The following LRRC4B variants were observed in gnomAD, a reference collection of about 807,000 sequenced individuals.
LRRC4B encodes the protein leucine-rich repeat-containing protein 4B.
A neutral mutation model predicts 7.3 loss-of-function variants in LRRC4B; 1 was observed. The ratio of observed to expected loss-of-function variants is 0.14; its 90% confidence interval spans 0.05 to 0.65. LRRC4B has a LOEUF of 0.65. LRRC4B is among the 30% of genes least tolerant of loss of function. The probability of loss-of-function intolerance (pLI) is 0.84; values close to 1 mark genes in which losing one functional copy is unlikely to be tolerated. For missense variants in LRRC4B, 730 were observed against 1,041.6 expected (o/e 0.70, Z 4.12); for synonymous variants, 500 against 499.2 (o/e 1.00, Z -0.02).
At chr19:50,546,903 T>A (rs904966266) in intron 2 of LRRC4B, among the ~76,000 whole-genome samples, 1 of 152,176 alleles carries the variant, frequency 6.6e-6, no homozygotes, top group Admixed American at 6.5e-5. Context: ...TGGCTCCTTT[T>A]CCTCCTCATT....
chr19:50,536,236 C>T (rs925298408), intron 2 of LRRC4B, among the ~76,000 whole-genome samples: 1 of 151,936 alleles, frequency 6.6e-6, no homozygotes, highest in Non-Finnish European at 1.5e-5. Context: ...CAGGTTCAAG[C>T]GATTCTCCTG....
intron 2 of LRRC4B, among the ~76,000 whole-genome samples, chr19:50,531,865 G>A (rs1488081238): frequency 6.6e-6 from 1 of 152,188 alleles, no homozygotes; most frequent in Non-Finnish European, 1.5e-5. Flanking sequence ...ATGAATGTGT[G>A]GGACATGGCG....
chr19:50,558,985 A>AGCTCATTCAGTCCCCGCAAGG (rs1982374723), intron 1 of LRRC4B, among the ~76,000 whole-genome samples: 1 of 152,212 alleles, frequency 6.6e-6, no homozygotes, highest in African/African-American at 2.4e-5. Context: ...TGCCTGCAAG[A>AGCTCATTCAGTCCCCGCAAGG]GCTCATTCAG....
At chr19:50,552,056 G>A (rs1413654693) in intron 1 of LRRC4B, among the ~76,000 whole-genome samples, 8 of 152,136 alleles carry the variant, frequency 5.3e-5, no homozygotes, top group Admixed American at 4.6e-4. Context: ...GGGAAGCGGG[G>A]GAGGAAGGTT....
chr19:50,518,114 AGGG>A lies in LRRC4B; in HGVS notation c.1596_1598del (p.Pro533del), dbSNP rs1980376625. 6.3e-7 allele frequency: 1 copy of A among 1,594,834 alleles called. No individual in the cohort carries two copies. The highest frequency in any genetic ancestry group is 1.8e-5 in the Admixed American group (1 of 55,450). ...CGGGTGCCGTGGTAGAAGACGAGGC[AGGG>A]CCGGCCGCGTCCCCAGGCCGGCCCC... On this transcript the variant is annotated inframe_deletion, in exon 3 of 3. Transcript: ENST00000652263.
intron 2 of LRRC4B, among the ~76,000 whole-genome samples, chr19:50,543,273 C>G (rs1048883872): frequency 1.3e-5 from 2 of 151,900 alleles, no homozygotes; most frequent in African/African-American, 2.4e-5. Flanking sequence ...GCAGGTCACA[C>G]GGGAGGCTCT....
At chr19:50,542,279 C>A (rs1353926558) in intron 2 of LRRC4B, among the ~76,000 whole-genome samples, 1 of 152,022 alleles carries the variant, frequency 6.6e-6, no homozygotes, top group East Asian at 1.9e-4. Context: ...CACCTTCCCC[C>A]CAGGTCCCGA....
rs1237648137 is a variant in LRRC4B, at chr19:50,517,811, G to A, written c.1902C>T (p.Ala634=). 1.3e-6 allele frequency: 2 copies of A among 1,553,558 alleles called. No individual in the cohort carries two copies. Among genetic ancestry groups the A allele is most frequent in the South Asian group, 1.2e-5 (1 of 82,736 alleles). ...LPAASAVSVA[A]AAAVASGGGV... is the part of the protein sequence containing the mutation. ...CACCCCCACTGGCCACGGCGGCCGCGGCGGCCACGGACACGGCCGAGGCGG... is the reference window on the plus strand; with the variant it reads ...CACCCCCACTGGCCACGGCGGCCGCAGCGGCCACGGACACGGCCGAGGCGG... Residue 634 remains alanine (A), a synonymous_variant, in exon 3 of 3, where the codon GCC becomes GCT. Coordinates refer to ENST00000652263, the MANE Select transcript of LRRC4B (RefSeq NM_001080457.2). The surrounding 1 kb of genome is among the most constrained non-coding windows in gnomAD (Gnocchi z 6.6).
intron 2 of LRRC4B, among the ~76,000 whole-genome samples, chr19:50,523,139 C>T (rs937436571): frequency 6.6e-6 from 1 of 152,314 alleles, no homozygotes; most frequent in East Asian, 1.9e-4. Flanking sequence ...GCACGGGAGG[C>T]AGGAGCTCAC....
chr19:50,518,544 G>T lies in LRRC4B; in HGVS notation c.1169C>A (p.Ser390Tyr). 1 of 1,584,846 alleles carries T rather than the reference G, an allele frequency of 6.3e-7. No individual in the cohort carries two copies. The highest frequency in any genetic ancestry group is 1.2e-5 in the South Asian group (1 of 86,098). The change falls in exon 3 of 3, where the codon TCC (serine) becomes TAC (tyrosine). Residue 390 changes from serine to tyrosine, a missense_variant. Physicochemically the swap from Ser to Tyr is moderately radical, Grantham distance 144. Around this residue, in one of 6 missense-constraint regions of LRRC4B, gnomAD observed 226 missense variants for 448.0 expected, o/e 0.50. Coordinates refer to ENST00000652263, the MANE Select transcript of LRRC4B (RefSeq NM_001080457.2). The part of the protein sequence containing the change: ...AAELKCRTGT[S>Y]MTSVNWLTPN... ...CGTCAGCCAGTTGACGGAGGTCATG[G>T]AGGTGCCCGTGCGGCATTTGAGCTC...
In LRRC4B at chr19:50,518,879, C is replaced by A. The variant is rs558242111; in HGVS notation, c.834G>T (p.Ser278=). Residue 278 remains serine, a synonymous_variant, in exon 3 of 3, where the codon TCG becomes TCT. Transcript: ENST00000652263. The part of the protein sequence containing the change: ...IERNAFDDLK[S]LEELNLSHNN... ...TGTGGGACAGGTTGAGCTCCTCCAG[C>A]GACTTGAGGTCGTCGAAGGCGTTGC... 333 of 1,614,052 alleles carry A rather than the reference C, an allele frequency of 2.1e-4. 4 individuals are homozygous for A. In the South Asian group the frequency reaches 2.8e-3, roughly 13 times the overall value.
intron 2 of LRRC4B, among the ~76,000 whole-genome samples, chr19:50,532,418 G>T (rs539973498): frequency 2.6e-5 from 4 of 152,138 alleles, no homozygotes; most frequent in Non-Finnish European, 5.9e-5. Flanking sequence ...AAGTGTCAGA[G>T]GCCCTTCAGA....
intron 2 of LRRC4B, among the ~76,000 whole-genome samples, chr19:50,544,076 G>A (rs1238942754): frequency 6.6e-6 from 1 of 151,834 alleles, no homozygotes; most frequent in Non-Finnish European, 1.5e-5. Flanking sequence ...GCGTGGTGGT[G>A]TGCGCCTGTA....
chr19:50,554,107 C>T (rs889019294), intron 1 of LRRC4B, among the ~76,000 whole-genome samples: 6 of 150,972 alleles, frequency 4.0e-5, no homozygotes, highest in Non-Finnish European at 7.4e-5. Context: ...AATTCTCCTG[C>T]CCCAGCCTCC....
At chr19:50,546,207 C>T (rs1018115769) in intron 2 of LRRC4B, among the ~76,000 whole-genome samples, 17 of 152,056 alleles carry the variant, frequency 1.1e-4, no homozygotes, top group African/African-American at 3.4e-4. Context: ...TGGCAGCAGG[C>T]GCCTGTAATC....
At position 50,517,422 on chromosome 19, in the gene LRRC4B, G is replaced by C. The variant is rs887583728; in HGVS notation, c.*149C>G. ...GTCCTTACTGGGGGTCCGAGCCCCA[G>C]ATGGGGCTGGAAGCCACCTCTCCCC... On this transcript the variant is annotated 3_prime_UTR_variant, in exon 3 of 3. Coordinates refer to ENST00000652263, the MANE Select transcript of LRRC4B (RefSeq NM_001080457.2). The surrounding 1 kb of genome is among the most constrained non-coding windows in gnomAD (Gnocchi z 6.6). The C allele has an allele frequency of 2.1e-5, 13 of 633,034 alleles. No individual in the cohort carries two copies. In the Admixed American group the frequency reaches 3.9e-4, roughly 19 times the overall value. The allele number at this position is 633,034 out of a possible 1,614,324, so 39.2% of individuals were successfully genotyped here. A position where few individuals can be genotyped will look rare whatever the true frequency, so the allele number is the denominator to read the frequency against.
At chr19:50,522,727 C>T (rs1182779242) in intron 2 of LRRC4B, among the ~76,000 whole-genome samples, 1 of 152,230 alleles carries the variant, frequency 6.6e-6, no homozygotes, top group Non-Finnish European at 1.5e-5. Context: ...ATCCACCCGC[C>T]TTGGCCTTCC....
rs191076285 is a variant in LRRC4B, at chr19:50,529,570, C to T, written c.298-10155G>A. On this transcript the variant is annotated intron_variant, in intron 2 of 2. Coordinates refer to ENST00000652263, the MANE Select transcript of LRRC4B (RefSeq NM_001080457.2). ...CTGTAATCCCAGCACTTTGGGAGGC[C>T]GAGGCGGGTGGATCACTTGAGGTCA... Among the ~76,000 whole-genome samples the T allele has an allele frequency of 7.9e-4, 120 of 152,148 alleles. 1 individual carries two copies. Among genetic ancestry groups the T allele is most frequent in the Admixed American group, 7.7e-3 (118 of 15,270 alleles).
At chr19:50,565,661 T>A (rs117999416) in intron 1 of LRRC4B, among the ~76,000 whole-genome samples, 3,680 of 151,768 alleles carry the variant, frequency 0.024, 67 homozygotes, top group Admixed American at 0.039. Context: ...CTCTGACAAG[T>A]CAGAAGCGGC....
Sources: gnomAD v4.1 joint callset for allele counts (sites outside exome capture counted in the v4.1 genomes callset) on GRCh38, gnomAD v4.1.1 for gene constraint, gnomAD v4.1.1 regional missense constraint, Gnocchi (gnomAD v3.1) non-coding constraint, MANE v1.5 for transcripts, NCBI Gene and HGNC (gene_info 2026-07-23, HGNC 2026-07-21) for gene names.